Variants in TIAM1 observed in about 807,000 individuals in gnomAD.
TIAM1 encodes rho guanine nucleotide exchange factor TIAM1.
Under a neutral mutation model 163.5 loss-of-function variants are expected in TIAM1, and 65 were observed. That is an observed-to-expected ratio of 0.40 (90% CI 0.33 to 0.49). The LOEUF (loss-of-function observed/expected upper bound fraction) is 0.49. Among genes scored for constraint, TIAM1 ranks in the 20% least tolerant of loss-of-function variants. The pLI, the probability that TIAM1 is intolerant of heterozygous loss-of-function variation, is 0.77. For missense variants in TIAM1, 1,789 were observed against 2,044.7 expected, an observed-to-expected ratio of 0.87 and a Z score of 2.41; for synonymous variants, 833 against 810.1, an observed-to-expected ratio of 1.03 and a Z score of -0.48.
intron 2 of TIAM1, among the ~76,000 whole-genome samples, chr21:31,448,942 C>T (rs969176936): frequency 9.2e-5 from 14 of 152,074 alleles, no homozygotes; most frequent in African/African-American, 3.1e-4. Context: ...GCAAATATAA[C>T]AGTGCCCACC....
chr21:31,376,034 AT>A (rs1222556692), intron 2 of TIAM1, among the ~76,000 whole-genome samples: 2 of 128,660 alleles, frequency 1.6e-5, no homozygotes, highest in Non-Finnish European at 3.4e-5. Context: ...CTCAAAAAAA[AT>A]TTAAAAAAAA....
intron 2 of TIAM1, among the ~76,000 whole-genome samples, chr21:31,446,575 G>T (rs2044632426): frequency 6.6e-6 from 1 of 152,316 alleles, no homozygotes; most frequent in East Asian, 1.9e-4. Flanking sequence ...GGAGAGTGAT[G>T]AAGTATGAAT....
At chr21:31,172,512 G>C (rs182820278) in intron 15 of TIAM1, among the ~76,000 whole-genome samples, 1 of 152,268 alleles carries the variant, frequency 6.6e-6, no homozygotes, top group Non-Finnish European at 1.5e-5. Flanking sequence ...AGAGAAGAAA[G>C]CTGAAGATAA....
At chr21:31,477,702 T>G (rs2045979880) in intron 1 of TIAM1, among the ~76,000 whole-genome samples, 1 of 152,030 alleles carries the variant, frequency 6.6e-6, no homozygotes, top group African/African-American at 2.4e-5. Context: ...TCTCAAACTC[T>G]AAATGCATTT....
At chr21:31,260,678 A>T (rs2072411473) in intron 4 of TIAM1, among the ~76,000 whole-genome samples, 1 of 147,454 alleles carries the variant, frequency 6.8e-6, no homozygotes, top group Non-Finnish European at 1.5e-5. Flanking sequence ...TACGTGCCAG[A>T]AAAAGAAAGA....
chr21:31,215,774 A>G (rs1241387240), intron 9 of TIAM1, among the ~76,000 whole-genome samples: 1 of 152,166 alleles, frequency 6.6e-6, no homozygotes, highest in Non-Finnish European at 1.5e-5. Flanking sequence ...ATCACAAGAC[A>G]AACTGCGAAA....
Position 31,125,817 on chromosome 21 carries a change from C to T in TIAM1, c.4134-1123G>A, listed in dbSNP as rs140864859. ...CTCGAACTCCTGACCTCAAGTGATCCGCCTGCCTTGGCCTCCCAAAGTGCT... is the reference window on the plus strand; with the variant it reads ...CTCGAACTCCTGACCTCAAGTGATCTGCCTGCCTTGGCCTCCCAAAGTGCT... On this transcript the variant is annotated intron_variant, in intron 26 of 27. Coordinates refer to ENST00000541036, the MANE Select transcript of TIAM1 (RefSeq NM_001353694.2). Among the ~76,000 whole-genome samples the T allele has an allele frequency of 4.5e-3, 687 of 152,300 alleles. 7 individuals are homozygous for T. The highest frequency in any genetic ancestry group is 0.016 in the African/African-American group (647 of 41,578).
chr21:31,509,465 G>A (rs1354946342), intron 1 of TIAM1, among the ~76,000 whole-genome samples: 1 of 152,138 alleles, frequency 6.6e-6, no homozygotes, highest in Non-Finnish European at 1.5e-5. Context: ...CCCGCTCCTC[G>A]GGCACCCAAC....
chr21:31,175,670 C>A (rs1310326492), intron 15 of TIAM1, among the ~76,000 whole-genome samples: 1 of 152,104 alleles, frequency 6.6e-6, no homozygotes, highest in Non-Finnish European at 1.5e-5. Flanking sequence ...ACGATCTTGG[C>A]TCACAGCAAC....
At chr21:31,165,373 G>C (rs944051806) in intron 15 of TIAM1, among the ~76,000 whole-genome samples, 1 of 152,166 alleles carries the variant, frequency 6.6e-6, no homozygotes, top group East Asian at 1.9e-4. Flanking sequence ...TTAGAAGAGG[G>C]ATGTTTGGGA....
chr21:31,242,871 AAAAAAAAAG>A (rs1037344091), intron 6 of TIAM1, among the ~76,000 whole-genome samples: 52 of 150,298 alleles, frequency 3.5e-4, no homozygotes, highest in Admixed American at 1.7e-3. Flanking sequence ...AAAAAAAAAA[AAAAAAAAAG>A]AAAAAAGAAA....
At chr21:31,183,195 A>C (rs144562739) in intron 14 of TIAM1, among the ~76,000 whole-genome samples, 147 of 152,182 alleles carry the variant, frequency 9.7e-4, no homozygotes, top group African/African-American at 3.4e-3. Context: ...CAATGCAATC[A>C]TTTTGTCCTT....
At chr21:31,182,246 G>A (rs759449507) in intron 15 of TIAM1, among the ~76,000 whole-genome samples, 175 bp downstream of exon 15, 2 of 152,192 alleles carry the variant, frequency 1.3e-5, no homozygotes, top group East Asian at 1.9e-4. Context: ...AGTTCCCTGC[G>A]CCTTTGAAAT....
At chr21:31,489,384 G>A (rs141649148) in intron 1 of TIAM1, among the ~76,000 whole-genome samples, 7,811 of 87,468 alleles carry the variant, frequency 0.089, 961 homozygotes, top group East Asian at 0.59. Flanking sequence ...AGGAGGAGGA[G>A]GAGGAGAGGG....
intron 2 of TIAM1, among the ~76,000 whole-genome samples, chr21:31,318,154 G>A (rs2075191319): frequency 6.6e-6 from 1 of 152,206 alleles, no homozygotes; most frequent in Non-Finnish European, 1.5e-5. Context: ...TGGGAATGCA[G>A]TGGCACCATC....
At chr21:31,505,583 A>C (rs2147457901) in intron 1 of TIAM1, among the ~76,000 whole-genome samples, 1 of 152,192 alleles carries the variant, frequency 6.6e-6, no homozygotes, top group East Asian at 1.9e-4. Context: ...CATTGAGTGT[A>C]GACATTGCAG....
intron 1 of TIAM1, among the ~76,000 whole-genome samples, chr21:31,483,773 G>A (rs1239918449): frequency 6.6e-6 from 1 of 152,072 alleles, no homozygotes; most frequent in Admixed American, 6.6e-5. Flanking sequence ...CAGAGACAAT[G>A]TCCCTTGTCC....
intron 1 of TIAM1, among the ~76,000 whole-genome samples, chr21:31,516,940 T>C (rs959200884): frequency 6.6e-6 from 1 of 150,586 alleles, no homozygotes; most frequent in Non-Finnish European, 1.5e-5. Flanking sequence ...GTCCACCTAC[T>C]TGGGAGGCTG....
chr21:31,330,089 G>A (rs901150099), intron 2 of TIAM1, among the ~76,000 whole-genome samples: 1 of 152,176 alleles, frequency 6.6e-6, no homozygotes, highest in African/African-American at 2.4e-5. Flanking sequence ...TGGAGCTGTA[G>A]ATTCCATGGC....
Sources: gnomAD v4.1 joint callset for allele counts (sites outside exome capture counted in the v4.1 genomes callset) on GRCh38, gnomAD v4.1.1 for gene constraint, MANE v1.5 for transcripts, NCBI Gene and HGNC (gene_info 2026-07-23, HGNC 2026-07-21) for gene names.